The following GRAMD1C variants were observed in gnomAD, a reference collection of about 807,000 sequenced individuals.
GRAMD1C encodes GRAM domain containing 1C.
Under a neutral mutation model 97.8 loss-of-function variants are expected in GRAMD1C, and 89 were observed. The observed-to-expected ratio is 0.91, with a 90% CI of 0.77 to 1.09. The LOEUF (loss-of-function observed/expected upper bound fraction) is 1.09. Ranked by LOEUF, GRAMD1C falls within the 50% of genes least tolerant of loss-of-function variation. The pLI, the probability that GRAMD1C is intolerant of heterozygous loss-of-function variation, is 0.00. For synonymous variants in GRAMD1C, 256 were observed against 267.0 expected (o/e 0.96, Z 0.40); for missense variants, 740 against 766.4 (o/e 0.97, Z 0.41).
At chr3:113,895,832 G>C (rs548888092) in intron 6 of GRAMD1C, among the ~76,000 whole-genome samples, 24 of 152,228 alleles carry the variant, frequency 1.6e-4, no homozygotes, top group African/African-American at 5.8e-4. Context: ...AGCCAGCCGT[G>C]TCTAGTTGGT....
At chr3:113,868,168 T>G (rs567835391) in intron 2 of GRAMD1C, among the ~76,000 whole-genome samples, 64 of 152,212 alleles carry the variant, frequency 4.2e-4, no homozygotes, top group Non-Finnish European at 6.5e-4. Flanking sequence ...GTTCTTTACT[T>G]GTTGAGTCAT....
intron 2 of GRAMD1C, among the ~76,000 whole-genome samples, chr3:113,854,073 A>G (rs1461368382): frequency 6.6e-6 from 1 of 152,124 alleles, no homozygotes; most frequent in African/African-American, 2.4e-5. Flanking sequence ...AACTGGGTAC[A>G]TGGAAGTGCC....
At chr3:113,844,678 A>G in intron 2 of GRAMD1C, 29 bp downstream of exon 2, 1 of 1,492,430 alleles carries the variant, frequency 6.7e-7, no homozygotes, top group Non-Finnish European at 9.1e-7. Context: ...TCTTTATTTT[A>G]ATCTTGAATA....
rs1452483211 is a variant in GRAMD1C, at chr3:113,838,864, G to A, written c.-46G>A. On this transcript the variant is annotated 5_prime_UTR_variant, in exon 1 of 18. Coordinates refer to ENST00000358160, the MANE Select transcript of GRAMD1C (RefSeq NM_017577.5). Reference sequence around the variant, plus strand: ...GCTGGAGGTGGGCGCGGGGCGGTGCGGTGCGGTGCGCGCGGGGCGGTGCCG... The same window carrying A: ...GCTGGAGGTGGGCGCGGGGCGGTGCAGTGCGGTGCGCGCGGGGCGGTGCCG... 1 of 1,219,936 alleles carries A rather than the reference G, an allele frequency of 8.2e-7. No homozygotes were observed. The allele number at this position is 1,219,936 out of a possible 1,614,324, so 75.6% of individuals were successfully genotyped here. A position where few individuals can be genotyped will look rare whatever the true frequency, so the allele number is the denominator to read the frequency against.
At chr3:113,838,247 A>C (rs535637417), upstream of GRAMD1C, among the ~76,000 whole-genome samples, 1 of 152,314 alleles carries the variant, frequency 6.6e-6, no homozygotes, top group South Asian at 2.1e-4. Flanking sequence ...ACAGCAGTTA[A>C]TCAGTAACTT....
chr3:113,829,121 C>T (rs538048347), intron 1 of GRAMD1C, among the ~76,000 whole-genome samples: 1 of 152,238 alleles, frequency 6.6e-6, no homozygotes, highest in Admixed American at 6.5e-5. Flanking sequence ...AGCGTACTTG[C>T]CTGGTAAAAA....
Position 113,916,450 on chromosome 3 carries a change from CA to C in GRAMD1C, c.1090+614del, listed in dbSNP as rs1400737975. Among the ~76,000 whole-genome samples the C allele has an allele frequency of 2.6e-5, 4 of 152,246 alleles. No homozygotes were observed. The East Asian group carries it at 7.7e-4, about 29-fold the overall frequency. Reference sequence around the variant, plus strand: ...AAATACAAAGTACTGATACTTGTAACAATATGAGTAGAACTCACAGATACAA... The same window carrying C: ...AAATACAAAGTACTGATACTTGTAACATATGAGTAGAACTCACAGATACAA... On this transcript the variant is annotated intron_variant, in intron 10 of 17. Transcript: ENST00000358160.
chr3:113,855,974 C>T (rs1253544557), intron 2 of GRAMD1C, among the ~76,000 whole-genome samples: 3 of 152,112 alleles, frequency 2.0e-5, no homozygotes, highest in East Asian at 3.9e-4. Context: ...CTGCAACCTC[C>T]GCCTCTCCGT....
Position 113,876,322 on chromosome 3 carries a change from CATCA to C in GRAMD1C, c.459+65_459+68del. 8 of 820,444 alleles carry C rather than the reference CATCA, an allele frequency of 9.8e-6. 1 individual carries two copies. In the Middle Eastern group the frequency reaches 1.8e-3, roughly 186 times the overall value. The allele number at this position is 820,444 out of a possible 1,614,324, so 50.8% of individuals were successfully genotyped here. Reference sequence around the variant, plus strand: ...TGAAGAAAATCTCCCTCATACTCATCATCAATGTTGGGAAATTAGGCAGTTCTTC... The same window carrying C: ...TGAAGAAAATCTCCCTCATACTCATCATGTTGGGAAATTAGGCAGTTCTTC... On this transcript the variant is annotated intron_variant, in intron 5 of 17. Coordinates refer to ENST00000358160, the MANE Select transcript of GRAMD1C (RefSeq NM_017577.5).
Position 113,915,785 on chromosome 3 carries a change from T to C in GRAMD1C, c.1037T>C (p.Leu346Pro). 6.2e-7 allele frequency: 1 copy of C among 1,611,298 alleles called. No homozygotes were observed. The highest frequency in any genetic ancestry group is 8.5e-7 in the Non-Finnish European group (1 of 1,177,620). Residue 346 changes from leucine (L) to proline (P), a missense_variant, in exon 10 of 18, where the codon CTC (leucine) becomes CCC (proline). Leu to Pro is a moderately conservative substitution (Grantham distance 98, BLOSUM62 -3). Coordinates refer to ENST00000358160, the MANE Select transcript of GRAMD1C (RefSeq NM_017577.5). ...HISADRMFEL[L>P]FTSSRFMQKF... ...AGTGCTGACAGAATGTTTGAATTGC[T>C]CTTTACCAGTTCACGCTTTATGCAG... is the stretch of plus-strand genomic sequence containing the variant.
chr3:113,938,612 G>A (rs143994076), intron 15 of GRAMD1C: 2,040 of 152,676 alleles, frequency 0.013, 33 homozygotes, highest in Non-Finnish European at 0.016. Context: ...AGTAATTCTT[G>A]AGTAGGCATC....
intron 2 of GRAMD1C, among the ~76,000 whole-genome samples, chr3:113,865,349 T>C (rs1231567135): frequency 6.6e-6 from 1 of 152,068 alleles, no homozygotes; most frequent in African/African-American, 2.4e-5. Flanking sequence ...ATTCAAACCA[T>C]AGCAACTACC....
intron 2 of GRAMD1C, among the ~76,000 whole-genome samples, chr3:113,868,707 T>C (rs1934676531): frequency 6.6e-6 from 1 of 152,082 alleles, no homozygotes. Flanking sequence ...GCTCTGGCCA[T>C]TTAAAAAAAT....
chr3:113,833,120 C>CTTTTTTTTTT (rs200062835), intron 1 of GRAMD1C, among the ~76,000 whole-genome samples: 9 of 129,460 alleles, frequency 7.0e-5, no homozygotes, highest in East Asian at 2.2e-4. Flanking sequence ...TTCTTTCTTT[C>CTTTTTTTTTT]TTTTTTTTTT....
At chr3:113,881,340 T>C (rs544205318) in intron 5 of GRAMD1C, among the ~76,000 whole-genome samples, 1 of 152,244 alleles carries the variant, frequency 6.6e-6, no homozygotes, top group African/African-American at 2.4e-5. Flanking sequence ...GTATTTTTAG[T>C]AGAGATCGGG....
chr3:113,888,427 C>G (rs568691340), intron 6 of GRAMD1C, among the ~76,000 whole-genome samples: 1 of 152,202 alleles, frequency 6.6e-6, no homozygotes, highest in Non-Finnish European at 1.5e-5. Context: ...ACCATGCTGA[C>G]TACAGTTAAC....
chr3:113,851,962 G>T (rs1027964022), intron 2 of GRAMD1C, among the ~76,000 whole-genome samples: 1 of 152,140 alleles, frequency 6.6e-6, no homozygotes, highest in South Asian at 2.1e-4. Context: ...TCCGCCTCCT[G>T]GGCTCAAGCG....
At chr3:113,845,526 T>TACAA (rs368330904) in intron 2 of GRAMD1C, among the ~76,000 whole-genome samples, 21 of 152,018 alleles carry the variant, frequency 1.4e-4, no homozygotes, top group East Asian at 5.8e-4. Flanking sequence ...ACCCAGTCTC[T>TACAA]ACAAACAAAC....
intron 3 of GRAMD1C, among the ~76,000 whole-genome samples, chr3:113,872,225 G>A (rs1273166173): frequency 6.6e-6 from 1 of 151,934 alleles, no homozygotes; most frequent in African/African-American, 2.4e-5. Context: ...ACCACTGTTA[G>A]TAATTTCTTA....
Sources: gnomAD v4.1 joint callset for allele counts (sites outside exome capture counted in the v4.1 genomes callset) on GRCh38, gnomAD v4.1.1 for gene constraint, MANE v1.5 for transcripts, NCBI Gene and HGNC (gene_info 2026-07-23, HGNC 2026-07-21) for gene names.